The following CNTN5 variants were observed in gnomAD, a reference collection of about 807,000 sequenced individuals.
CNTN5 encodes the protein contactin 5.
In CNTN5, 77 loss-of-function variants were observed where a neutral mutation model predicts 129.1. The ratio of observed to expected loss-of-function variants is 0.60; its 90% confidence interval spans 0.50 to 0.72. The LOEUF (loss-of-function observed/expected upper bound fraction) is 0.72. Among genes scored for constraint, CNTN5 ranks in the 30% least tolerant of loss-of-function variants. The pLI, the probability that CNTN5 is intolerant of heterozygous loss-of-function variation, is 0.00. For missense variants in CNTN5, 1,478 were observed against 1,328.8 expected, an observed-to-expected ratio of 1.11 and a Z score of -1.75; for synonymous variants, 509 against 465.6, an observed-to-expected ratio of 1.09 and a Z score of -1.20.
intron 9 of CNTN5, among the ~76,000 whole-genome samples, chr11:100,055,088 G>T (rs1462879865): frequency 4.2e-5 from 6 of 142,802 alleles, no homozygotes; most frequent in Non-Finnish European, 6.1e-5. Context: ...AAAACAAAAA[G>T]GATTTTGGAA....
At chr11:99,419,438 G>T (rs1251052399) in intron 2 of CNTN5, among the ~76,000 whole-genome samples, 1 of 152,024 alleles carries the variant, frequency 6.6e-6, no homozygotes, top group African/African-American at 2.4e-5. Flanking sequence ...TTTATTTCTG[G>T]GTTAAGTGGT....
At chr11:99,903,821 G>A (rs1380243996) in intron 6 of CNTN5, among the ~76,000 whole-genome samples, 1 of 152,020 alleles carries the variant, frequency 6.6e-6, no homozygotes, top group Non-Finnish European at 1.5e-5. Flanking sequence ...TAACTCAATA[G>A]CAGAAAAACA....
intron 3 of CNTN5, among the ~76,000 whole-genome samples, chr11:99,598,788 A>G (rs188310665): frequency 3.9e-5 from 6 of 152,112 alleles, no homozygotes; most frequent in Non-Finnish European, 8.8e-5. Context: ...ATTACTGTGG[A>G]ACTTTAGGAC....
chr11:99,600,673 G>T (rs1950285026), intron 3 of CNTN5, among the ~76,000 whole-genome samples: 1 of 152,118 alleles, frequency 6.6e-6, no homozygotes, highest in Non-Finnish European at 1.5e-5. Flanking sequence ...ATAGGAAGAT[G>T]GGTAGAAGCC....
At chr11:100,039,535 G>T (rs1231406289) in intron 9 of CNTN5, among the ~76,000 whole-genome samples, 1 of 152,182 alleles carries the variant, frequency 6.6e-6, no homozygotes, top group African/African-American at 2.4e-5. Context: ...GATTGGGGAA[G>T]TTCTCCTGGG....
chr11:99,892,333 A>G (rs1822330320), intron 6 of CNTN5, among the ~76,000 whole-genome samples: 2 of 152,146 alleles, frequency 1.3e-5, no homozygotes, highest in Non-Finnish European at 1.5e-5. Context: ...TAGTTTAATT[A>G]GATCCCGTTT....
chr11:100,284,116 G>A (rs908173836), intron 18 of CNTN5, among the ~76,000 whole-genome samples: 32 of 152,144 alleles, frequency 2.1e-4, no homozygotes, highest in Non-Finnish European at 8.8e-5. Flanking sequence ...CTTCTGTGTT[G>A]TGGGGCCACT....
At chr11:99,497,144 C>T (rs1288208386) in intron 2 of CNTN5, among the ~76,000 whole-genome samples, 2 of 152,148 alleles carry the variant, frequency 1.3e-5, no homozygotes, top group African/African-American at 2.4e-5. Context: ...AAAGAAGTAA[C>T]TTATACCAAT....
intron 3 of CNTN5, among the ~76,000 whole-genome samples, chr11:99,649,101 G>A (rs1213583882): frequency 6.6e-6 from 1 of 151,688 alleles, no homozygotes; most frequent in Non-Finnish European, 1.5e-5. Context: ...ATCTTGATAT[G>A]CTAGTTGTGC....
intron 2 of CNTN5, among the ~76,000 whole-genome samples, chr11:99,496,137 A>G (rs1946215047): frequency 6.6e-6 from 1 of 152,200 alleles, no homozygotes; most frequent in South Asian, 2.1e-4. Context: ...TTCTTTATAC[A>G]TGCTTATTAA....
At chr11:100,193,950 C>G (rs535726417) in intron 15 of CNTN5, among the ~76,000 whole-genome samples, 1 of 151,860 alleles carries the variant, frequency 6.6e-6, no homozygotes, top group Non-Finnish European at 1.5e-5. Context: ...TATGTTGCTA[C>G]ATAAAGTGGC....
chr11:100,295,426 C>G lies in CNTN5; in HGVS notation c.2315-2199C>G, dbSNP rs923595104. Among the ~76,000 whole-genome samples, 12 of 151,206 alleles carry G rather than the reference C, an allele frequency of 7.9e-5. No homozygotes were observed. In the East Asian group the frequency reaches 2.3e-3, roughly 29 times the overall value. ...AGTTTCTCAAAATGGAAATTTTCCC[C>G]AAAATGTTCACTTGTTTTTTTTTAA... is the stretch of plus-strand genomic sequence containing the variant. On this transcript the variant is annotated intron_variant, in intron 18 of 24. Coordinates refer to ENST00000524871, the MANE Select transcript of CNTN5 (RefSeq NM_014361.4).
intron 15 of CNTN5, 73 bp from the exon 16 acceptor site, chr11:100,224,617 CAA>C: frequency 6.8e-7 from 1 of 1,463,894 alleles, no homozygotes; most frequent in Non-Finnish European, 9.2e-7. Context: ...ACTGAATATG[CAA>C]AGTTCCCCCT....
intron 9 of CNTN5, among the ~76,000 whole-genome samples, chr11:100,056,901 C>G (rs578017275): frequency 6.6e-6 from 1 of 151,610 alleles, no homozygotes; most frequent in Non-Finnish European, 1.5e-5. Flanking sequence ...ATCTGAATGA[C>G]AACTAACAAA....
At chr11:99,504,688 A>T (rs1423318668) in intron 2 of CNTN5, among the ~76,000 whole-genome samples, 1 of 152,190 alleles carries the variant, frequency 6.6e-6, no homozygotes, top group Non-Finnish European at 1.5e-5. Context: ...AAGTTACTGT[A>T]ACATCAAGTA....
At chr11:99,372,545 ATT>A in intron 2 of CNTN5, among the ~76,000 whole-genome samples, 1 of 152,218 alleles carries the variant, frequency 6.6e-6, no homozygotes, top group East Asian at 1.9e-4. Flanking sequence ...ATCTGGGATA[ATT>A]CCCCATCTGT....
At chr11:99,851,887 G>A (rs908243776) in intron 6 of CNTN5, among the ~76,000 whole-genome samples, 1 of 151,946 alleles carries the variant, frequency 6.6e-6, no homozygotes, top group African/African-American at 2.4e-5. Flanking sequence ...TTTCTCCTAA[G>A]GTAAAATTGA....
At chr11:99,116,784 G>A (rs1358038941) in intron 1 of CNTN5, among the ~76,000 whole-genome samples, 1 of 152,164 alleles carries the variant, frequency 6.6e-6, no homozygotes, top group Non-Finnish European at 1.5e-5. Flanking sequence ...GGCGAGTTAG[G>A]AAACAGATGA....
chr11:99,207,191 A>G (rs1859528456), intron 1 of CNTN5, among the ~76,000 whole-genome samples: 1 of 152,130 alleles, frequency 6.6e-6, no homozygotes, highest in Non-Finnish European at 1.5e-5. Flanking sequence ...GAATAAAATT[A>G]ATGTGAATTT....
Sources: gnomAD v4.1 joint callset for allele counts (sites outside exome capture counted in the v4.1 genomes callset) on GRCh38, gnomAD v4.1.1 for gene constraint, MANE v1.5 for transcripts, NCBI Gene and HGNC (gene_info 2026-07-23, HGNC 2026-07-21) for gene names.